DMXL1: variants seen among roughly 807,000 people sequenced by gnomAD.
DMXL1 encodes the protein Dmx like 1.
A neutral mutation model predicts 319.2 loss-of-function variants in DMXL1; 99 were observed. The observed-to-expected ratio is 0.31, with a 90% CI of 0.26 to 0.37. DMXL1 has a LOEUF of 0.37. DMXL1 is among the 10% of genes least tolerant of loss of function. The pLI, the probability that DMXL1 is intolerant of heterozygous loss-of-function variation, is 1.00. For missense variants in DMXL1, 3,745 were observed against 3,595.6 expected (o/e 1.04, Z -1.06); for synonymous variants, 1,385 against 1,235.2 (o/e 1.12, Z -2.54).
intron 31 of DMXL1, 137 bp from the exon 32 acceptor site, chr5:119,197,618 A>C (rs1779874415): frequency 1.3e-6 from 1 of 783,734 alleles, no homozygotes; most frequent in East Asian, 2.6e-5. Context: ...TTCCCTGCCA[A>C]AGTGTATGTT....
rs553458330 is a variant in DMXL1, at chr5:119,098,405, A to T, written c.213+301A>T. ...GGACTGGGGGAAAGGAGTAACAATG[A>T]ATCTTCAATATTTACAAATAAACTA... On this transcript the variant is annotated intron_variant, in intron 2 of 43. Coordinates refer to ENST00000539542, the MANE Select transcript of DMXL1 (RefSeq NM_001290321.3). Among the ~76,000 whole-genome samples the T allele has an allele frequency of 2.6e-5, 4 of 152,124 alleles. No individual in the cohort carries two copies. The South Asian group carries it at 8.3e-4, about 32-fold the overall frequency.
intron 1 of DMXL1, among the ~76,000 whole-genome samples, chr5:119,096,750 G>A (rs1189501255): frequency 6.6e-6 from 1 of 152,152 alleles, no homozygotes; most frequent in Non-Finnish European, 1.5e-5. Flanking sequence ...TTGAAAAAGA[G>A]CTATGAAATG....
chr5:119,227,645 C>T (rs1042534080), intron 38 of DMXL1, among the ~76,000 whole-genome samples: 1 of 151,936 alleles, frequency 6.6e-6, no homozygotes, highest in Admixed American at 6.6e-5. Flanking sequence ...ATCTTATTTG[C>T]TCTGTCAGCC....
chr5:119,205,448 ATTATT>A (rs899156257), intron 33 of DMXL1, among the ~76,000 whole-genome samples: 10 of 152,060 alleles, frequency 6.6e-5, no homozygotes, highest in African/African-American at 2.4e-4. Context: ...TTTTATTGTA[ATTATT>A]TTAATCAGGA....
intron 28 of DMXL1, among the ~76,000 whole-genome samples, chr5:119,181,710 G>A (rs1260570867): frequency 1.3e-5 from 2 of 152,178 alleles, no homozygotes; most frequent in Non-Finnish European, 2.9e-5. Flanking sequence ...TACTCAGGAG[G>A]CTGAGGCAGG....
chr5:119,183,793 C>T (rs188764930), intron 28 of DMXL1, among the ~76,000 whole-genome samples: 1 of 152,020 alleles, frequency 6.6e-6, no homozygotes. Flanking sequence ...TCATTGAAGA[C>T]CATATAATAT....
At chr5:119,084,852 G>A (rs1275459304) in intron 1 of DMXL1, among the ~76,000 whole-genome samples, 1 of 137,536 alleles carries the variant, frequency 7.3e-6, no homozygotes. Flanking sequence ...CAACAAGAGT[G>A]AAACTCCGTC....
intron 10 of DMXL1, 90 bp downstream of exon 10, chr5:119,129,513 C>G (rs954318023): frequency 2.3e-6 from 2 of 887,326 alleles, no homozygotes; most frequent in African/African-American, 3.4e-5. Flanking sequence ...TTGTAATAAA[C>G]TTTAAAGTTG....
chr5:119,074,006 C>T (rs1000089122), intron 1 of DMXL1, among the ~76,000 whole-genome samples: 2 of 152,028 alleles, frequency 1.3e-5, no homozygotes, highest in African/African-American at 4.8e-5. Context: ...GCAACTTCCG[C>T]CTCCTGTGTT....
Position 119,071,463 on chromosome 5 carries a change from C to A in DMXL1, c.-107C>A. ...AGGCGCCTGTCGCTGCTTCTGCCGT[C>A]GCCACCGAAGAGCGGCCGCCGCCCC... is the stretch of plus-strand genomic sequence containing the variant. On this transcript the variant is annotated 5_prime_UTR_variant, in exon 1 of 44. An upstream open reading frame in the 5' UTR gains an earlier in-frame stop. Transcript: ENST00000539542. 1 of 1,120,352 alleles carries A rather than the reference C, an allele frequency of 8.9e-7. No homozygotes were observed. The highest frequency in any genetic ancestry group is 2.4e-4 in the Middle Eastern group (1 of 4,094). The allele number at this position is 1,120,352 out of a possible 1,614,324, so 69.4% of individuals were successfully genotyped here. A position where few individuals can be genotyped will look rare whatever the true frequency, so the allele number is the denominator to read the frequency against.
At chr5:119,152,823 A>G (rs901313351) in intron 19 of DMXL1, among the ~76,000 whole-genome samples, 29 of 152,306 alleles carry the variant, frequency 1.9e-4, no homozygotes, top group African/African-American at 7.0e-4. Flanking sequence ...GGGACTTTGC[A>G]GTTTAGCCTT....
At chr5:119,177,587 C>A in intron 27 of DMXL1, 103 bp downstream of exon 27, 1 of 966,014 alleles carries the variant, frequency 1.0e-6, no homozygotes, top group Non-Finnish European at 1.5e-6. Flanking sequence ...TTGTTAAATA[C>A]TGTTAGAATT....
chr5:119,148,688 G>A, intron 17 of DMXL1, 51 bp from the exon 18 acceptor site: 1 of 1,541,778 alleles, frequency 6.5e-7, no homozygotes, highest in Non-Finnish European at 8.8e-7. Flanking sequence ...CATAAAAACA[G>A]AAGTATTTAA....
In DMXL1 at chr5:119,120,972, T is replaced by C; in HGVS notation, c.935T>C (p.Val312Ala). ...TTAGTTTTGTTTCTATTCACACAGG[T>C]AAATCTGAGACATTTTCGTAGAGGT... ...SKERVQNALE[V>A]NLRHFRRGRR... Residue 312 changes from valine to alanine, a missense_variant and splice_region_variant, in exon 9 of 44, where the codon GTA (valine) becomes GCA (alanine). By Grantham distance (64) the Val-to-Ala change is moderately conservative. Around this residue, in one of 4 missense-constraint regions of DMXL1, gnomAD observed 2,096 missense variants for 1,985.4 expected, o/e 1.06. Coordinates refer to ENST00000539542, the MANE Select transcript of DMXL1 (RefSeq NM_001290321.3). The C allele has an allele frequency of 6.2e-7, 1 of 1,607,314 alleles. No homozygotes were observed. Among genetic ancestry groups the C allele is most frequent in the South Asian group, 1.1e-5 (1 of 89,572 alleles).
At chr5:119,078,327 A>G (rs1361049529) in intron 1 of DMXL1, among the ~76,000 whole-genome samples, 1 of 152,142 alleles carries the variant, frequency 6.6e-6, no homozygotes, top group African/African-American at 2.4e-5. Flanking sequence ...TAAGGAGAAC[A>G]TTGAAACTGG....
rs1215651114 is a variant in DMXL1, at chr5:119,247,916, C to T, written c.*697C>T. ...TTTTGTGCCATAACAACTATTGCCA[C>T]CAGAATAACTTTTTTTTTGCAACTG... On this transcript the variant is annotated 3_prime_UTR_variant, in exon 44 of 44. Transcript: ENST00000539542. The T allele has an allele frequency of 2.7e-5, 1 of 37,574 alleles. No homozygotes were observed. Among genetic ancestry groups the T allele is most frequent in the Non-Finnish European group, 5.9e-5 (1 of 16,874 alleles). The allele number at this position is 37,574 out of a possible 1,614,324, so 2.3% of individuals were successfully genotyped here.
intron 9 of DMXL1, 125 bp from the exon 10 acceptor site, chr5:119,129,086 A>G: frequency 1.5e-6 from 1 of 656,200 alleles, no homozygotes; most frequent in Non-Finnish European, 2.5e-6. Flanking sequence ...ATAAAATTAA[A>G]AAGTGAAAGA....
At chr5:119,194,529 G>A (rs191242716) in intron 30 of DMXL1, among the ~76,000 whole-genome samples, 2 of 152,134 alleles carry the variant, frequency 1.3e-5, no homozygotes, top group African/African-American at 4.8e-5. Context: ...AAACGTGTAT[G>A]TTTTACTAAA....
At chr5:119,165,587 A>T (rs1773254019) in intron 21 of DMXL1, among the ~76,000 whole-genome samples, 1 of 152,242 alleles carries the variant, frequency 6.6e-6, no homozygotes, top group East Asian at 1.9e-4. Context: ...CATGCTGCTA[A>T]TAAAGACATA....
Sources: allele counts gnomAD v4.1 joint callset (sites outside exome capture counted in the v4.1 genomes callset), GRCh38; gene constraint gnomAD v4.1.1; regional missense constraint gnomAD v4.1.1; transcripts MANE v1.5; gene names NCBI Gene and HGNC (gene_info 2026-07-23, HGNC 2026-07-21).